CALN1: variants seen among roughly 807,000 people sequenced by gnomAD.
The protein encoded by CALN1 is calcium-binding protein 8.
Under a neutral mutation model 30.6 loss-of-function variants are expected in CALN1, and 17 were observed. The ratio of observed to expected loss-of-function variants is 0.56; its 90% confidence interval spans 0.38 to 0.83. The LOEUF (loss-of-function observed/expected upper bound fraction) is 0.83, where lower values mean the gene tolerates loss of function less well. CALN1 is among the 40% of genes least tolerant of loss of function. The pLI is 0.00. For synonymous variants in CALN1, 156 were observed against 131.4 expected (o/e 1.19, Z -1.28); for missense variants, 291 against 354.9 (o/e 0.82, Z 1.45).
At chr7:72,251,153 T>C (rs536759) in intron 3 of CALN1, among the ~76,000 whole-genome samples, 105,047 of 151,956 alleles carry the variant, frequency 0.69, 36,870 homozygotes, top group East Asian at 1. Flanking sequence ...CCCTAAGCCC[T>C]CAGACCTAAT....
chr7:72,157,110 G>A (rs2129544581), intron 3 of CALN1, among the ~76,000 whole-genome samples: 1 of 152,318 alleles, frequency 6.6e-6, no homozygotes, highest in East Asian at 1.9e-4. Context: ...AATCGGTTGA[G>A]CCCATCTGTC....
the CALN1 span, among the ~76,000 whole-genome samples, chr7:72,487,536 A>G: frequency 2.6e-5 from 4 of 151,390 alleles, no homozygotes; most frequent in Non-Finnish European, 5.9e-5. Flanking sequence ...AAATACAAAA[A>G]TTAGCTGGGT....
intron 2 of CALN1, among the ~76,000 whole-genome samples, chr7:72,392,155 G>T (rs1046395914): frequency 2.0e-5 from 3 of 152,146 alleles, no homozygotes; most frequent in Non-Finnish European, 4.4e-5. Context: ...ATATGTAGAT[G>T]CTCCCAGCTG....
intron 2 of CALN1, among the ~76,000 whole-genome samples, chr7:72,347,389 C>T (rs906509617): frequency 6.6e-6 from 1 of 152,044 alleles, no homozygotes; most frequent in Non-Finnish European, 1.5e-5. Flanking sequence ...GCCTCAGCCT[C>T]CTGAGTAGCT....
At chr7:72,287,594 C>T (rs1798173529) in intron 2 of CALN1, among the ~76,000 whole-genome samples, 2 of 151,726 alleles carry the variant, frequency 1.3e-5, no homozygotes, top group Admixed American at 6.6e-5. Context: ...CTACTGGCGC[C>T]CGCCACGACG....
At chr7:72,016,496 G>C (rs1178343294) in intron 5 of CALN1, among the ~76,000 whole-genome samples, 1 of 151,612 alleles carries the variant, frequency 6.6e-6, no homozygotes, top group Non-Finnish European at 1.5e-5. Context: ...GAGTGCAGTG[G>C]CATGATTATA....
chr7:72,281,368 C>T (rs1797724411), intron 2 of CALN1, among the ~76,000 whole-genome samples: 1 of 152,138 alleles, frequency 6.6e-6, no homozygotes, highest in Admixed American at 6.5e-5. Flanking sequence ...ACAAAACAGA[C>T]TGAGACATCC....
chr7:72,097,277 G>A (rs556417515), intron 4 of CALN1, among the ~76,000 whole-genome samples: 10 of 152,270 alleles, frequency 6.6e-5, no homozygotes, highest in Non-Finnish European at 1.3e-4. Context: ...CCTGCACGTT[G>A]TGCACATGTA....
chr7:71,994,524 A>AC (rs1214250048), intron 5 of CALN1, among the ~76,000 whole-genome samples: 9 of 152,014 alleles, frequency 5.9e-5, no homozygotes, highest in South Asian at 2.1e-4. Flanking sequence ...AAAAAAAAAA[A>AC]AAAAAAAAAC....
At chr7:71,790,347 AAAAGAAAGAAAGAAAGAAAGAAAAG>A (rs1793272851) in intron 6 of CALN1, among the ~76,000 whole-genome samples, 2 of 115,560 alleles carry the variant, frequency 1.7e-5, no homozygotes, top group Non-Finnish European at 1.7e-5. Flanking sequence ...AGAAAGAAAG[AAAAGAAAGAAAGAAAGAAAGAAAAG>A]AAAGAAAGAA....
chr7:72,256,552 T>A (rs1202321759), intron 3 of CALN1, among the ~76,000 whole-genome samples: 1 of 152,144 alleles, frequency 6.6e-6, no homozygotes, highest in Non-Finnish European at 1.5e-5. Flanking sequence ...ACTTGGTTTT[T>A]CCCTTTCACA....
intron 2 of CALN1, among the ~76,000 whole-genome samples, chr7:72,311,477 CT>C (rs1402615660): frequency 6.6e-6 from 1 of 151,416 alleles, no homozygotes; most frequent in African/African-American, 2.4e-5. Flanking sequence ...TTTCTTTTTT[CT>C]TTTTTGTGTG....
chr7:72,043,242 G>T (rs1183942364), intron 4 of CALN1, among the ~76,000 whole-genome samples: 4 of 152,068 alleles, frequency 2.6e-5, no homozygotes, highest in African/African-American at 9.7e-5. Context: ...CCTAGTTCCT[G>T]AACTACCTTA....
chr7:71,796,951 TTGAC>T (rs1288572982), intron 6 of CALN1, among the ~76,000 whole-genome samples: 7 of 149,516 alleles, frequency 4.7e-5, no homozygotes, highest in Non-Finnish European at 8.8e-5. Flanking sequence ...GACAGACTGT[TTGAC>T]TGTTTCTTTC....
At chr7:72,234,325 A>G (rs1252414667) in intron 3 of CALN1, among the ~76,000 whole-genome samples, 2 of 152,224 alleles carry the variant, frequency 1.3e-5, no homozygotes, top group East Asian at 1.9e-4. Context: ...TCCAGCCAGC[A>G]AAGTACCTCC....
chr7:72,224,777 T>C (rs896561537), intron 3 of CALN1, among the ~76,000 whole-genome samples: 4 of 145,892 alleles, frequency 2.7e-5, no homozygotes, highest in African/African-American at 5.1e-5. Context: ...TGAGACCCTG[T>C]CAAAAAATTA....
intron 5 of CALN1, among the ~76,000 whole-genome samples, chr7:71,913,112 G>C (rs1267098198): frequency 6.6e-6 from 1 of 152,170 alleles, no homozygotes; most frequent in Non-Finnish European, 1.5e-5. Context: ...ACCAGGATGT[G>C]CATGATCCAC....
At chr7:72,399,243 C>T (rs1160621428) in intron 2 of CALN1, among the ~76,000 whole-genome samples, 1 of 151,052 alleles carries the variant, frequency 6.6e-6, no homozygotes, top group Non-Finnish European at 1.5e-5. Context: ...CCTCTACAGT[C>T]CCCAGCCGGT....
At chr7:71,788,760 C>A (rs1013767419) in intron 6 of CALN1, among the ~76,000 whole-genome samples, 1 of 151,996 alleles carries the variant, frequency 6.6e-6, no homozygotes, top group Non-Finnish European at 1.5e-5. Flanking sequence ...CAGGTTCATG[C>A]CATTCTCCTG....
Sources: allele counts gnomAD v4.1 joint callset (sites outside exome capture counted in the v4.1 genomes callset), GRCh38; gene constraint gnomAD v4.1.1; transcripts MANE v1.5; gene names NCBI Gene and HGNC (gene_info 2026-07-23, HGNC 2026-07-21).